The following RGS4 variants were observed in gnomAD, a reference collection of about 807,000 sequenced individuals.
RGS4 encodes the protein schizophrenia disorder 9.
RGS4 carries 15 observed loss-of-function variants against 21.6 expected under a neutral mutation model. The ratio of observed to expected loss-of-function variants is 0.69; its 90% confidence interval spans 0.46 to 1.07. The LOEUF is 1.07. Ranked by LOEUF, RGS4 falls within the 50% of genes least tolerant of loss-of-function variation. The pLI, the probability that RGS4 is intolerant of heterozygous loss-of-function variation, is 0.00. For synonymous variants in RGS4, 94 were observed against 85.5 expected (o/e 1.10, Z -0.55); for missense variants, 237 against 239.0 (o/e 0.99, Z 0.06).
intron 1 of RGS4, 97 bp from the exon 2 acceptor site, chr1:163,072,298 C>T (rs1277560932): frequency 5.1e-6 from 5 of 986,442 alleles, no homozygotes; most frequent in Admixed American, 2.4e-5. Context: ...TGTCTCTGAG[C>T]CATAGACTAG....
chr1:163,073,713 T>G, intron 4 of RGS4, 91 bp downstream of exon 4: 1 of 811,952 alleles, frequency 1.2e-6, no homozygotes, highest in South Asian at 1.9e-5. Flanking sequence ...AACAATCAAA[T>G]CAGGGCAATT....
chr1:163,074,851 G>T lies in RGS4; in HGVS notation c.*291G>T, dbSNP rs1655445376. The stretch of plus-strand genomic sequence containing the variant: ...TGGTAGGTCTGGATTTTCAAAGATT[G>T]TTGGCAGTTTCCTCCTCCCAACAGT... On this transcript the variant is annotated 3_prime_UTR_variant, in exon 5 of 5. Transcript: ENST00000367909. The T allele has an allele frequency of 3.3e-6, 2 of 601,298 alleles. No homozygotes were observed. Among genetic ancestry groups the T allele is most frequent in the Admixed American group, 5.9e-5 (2 of 34,062 alleles). The allele number at this position is 601,298 out of a possible 1,614,324, so 37.2% of individuals were successfully genotyped here.
chr1:163,072,005 T>TGG, intron 1 of RGS4: 1 of 990,128 alleles, frequency 1.0e-6, no homozygotes, highest in Non-Finnish European at 1.2e-6. Flanking sequence ...ATGTGCATCT[T>TGG]TTGCCGCTAC....
chr1:163,073,001 A>C (rs557144393), intron 3 of RGS4, 135 bp downstream of exon 3: 1 of 683,976 alleles, frequency 1.5e-6, no homozygotes, highest in Non-Finnish European at 2.4e-6. Flanking sequence ...TCTTAAATTC[A>C]GTCTGTTTAA....
At position 163,074,634 on chromosome 1, in the gene RGS4, G is replaced by A. The variant is rs766011285; in HGVS notation, c.*74G>A. The A allele has an allele frequency of 6.2e-7, 1 of 1,601,194 alleles. No homozygotes were observed. Among genetic ancestry groups the A allele is most frequent in the South Asian group, 1.1e-5 (1 of 90,838 alleles). ...AAAACCTGAGGCCAAATATTGATCT[G>A]TATTAAGCTCCAGTGCTTTATCCAC... On this transcript the variant is annotated 3_prime_UTR_variant, in exon 5 of 5. Coordinates refer to ENST00000367909, the MANE Select transcript of RGS4 (RefSeq NM_005613.6).
intron 4 of RGS4, 59 bp from the exon 5 acceptor site, chr1:163,074,262 C>T: frequency 3.1e-6 from 5 of 1,604,696 alleles, no homozygotes; most frequent in Non-Finnish European, 4.3e-6. Context: ...ACAAAGCATA[C>T]AGGCTTGCAT....
At chr1:163,069,321 G>T (rs974593745), upstream of RGS4, 1 of 1,551,394 alleles carries the variant, frequency 6.4e-7, no homozygotes, top group Non-Finnish European at 8.7e-7. Context: ...CTGGACGGTC[G>T]TAGCTGGGCT....
Position 163,069,520 on chromosome 1 carries a change from C to T in RGS4, c.36C>T (p.Cys12=), listed in dbSNP as rs771008986. 5.6e-6 allele frequency: 9 copies of T among 1,612,940 alleles called. No individual in the cohort carries two copies. The highest frequency in any genetic ancestry group is 7.6e-6 in the Non-Finnish European group (9 of 1,179,364). The change falls in exon 1 of 5, where the codon TGC becomes TGT. Residue 12 remains cysteine, a synonymous_variant. Coordinates refer to ENST00000367909, the MANE Select transcript of RGS4 (RefSeq NM_005613.6). ...GGCTTGCAGGTCTGCCGGCTTCTTG[C>T]TTGAGGAGGTAAGATTGCTTTCAGC... ...CKGLAGLPAS[C]LRSAKDMKHR...
rs1655459932 is a variant in RGS4, at chr1:163,075,286, G to A, written c.*726G>A. The A allele has an allele frequency of 6.6e-6, 1 of 152,492 alleles. No homozygotes were observed. The highest frequency in any genetic ancestry group is 2.4e-5 in the African/African-American group (1 of 41,442). The allele number at this position is 152,492 out of a possible 1,614,324, so 9.4% of individuals were successfully genotyped here. A position where few individuals can be genotyped will look rare whatever the true frequency, so the allele number is the denominator to read the frequency against. On this transcript the variant is annotated 3_prime_UTR_variant, in exon 5 of 5. Coordinates refer to ENST00000367909, the MANE Select transcript of RGS4 (RefSeq NM_005613.6). ...GGCTAAGAAAGAAATGCTAACCTGT[G>A]GAAAGTTGGTTTTGTAAAATTCCAT...
chr1:163,073,896 C>T (rs1031769435), intron 4 of RGS4: 3 of 386,176 alleles, frequency 7.8e-6, no homozygotes, highest in African/African-American at 4.1e-5. Context: ...TTCCTTCTAC[C>T]CATTAGCCAA....
chr1:163,072,883 C>T lies in RGS4; in HGVS notation c.211+17C>T. 5.0e-6 allele frequency: 8 copies of T among 1,607,518 alleles called. No individual in the cohort carries two copies. The highest frequency in any genetic ancestry group is 6.8e-6 in the Non-Finnish European group (8 of 1,174,592). On this transcript the variant is annotated intron_variant, in intron 3 of 4. Transcript: ENST00000367909. ...GTCATGAATGTAAGTCTGACAGCAACCTGGGATGAGGTACTCTGGATAAGA... is the reference window on the plus strand; with the variant it reads ...GTCATGAATGTAAGTCTGACAGCAATCTGGGATGAGGTACTCTGGATAAGA...
intron 1 of RGS4, among the ~76,000 whole-genome samples, chr1:163,070,966 T>C (rs542542015): frequency 1.8e-4 from 28 of 152,274 alleles, no homozygotes; most frequent in African/African-American, 6.3e-4. Flanking sequence ...AATTCCTGAC[T>C]CCAGTAACTT....
chr1:163,074,252 A>G (rs1400825236), intron 4 of RGS4, 69 bp from the exon 5 acceptor site: 1 of 1,596,606 alleles, frequency 6.3e-7, no homozygotes, highest in Non-Finnish European at 8.5e-7. Flanking sequence ...ACAAGTCACT[A>G]CAAAGCATAC....
intron 1 of RGS4, chr1:163,070,662 T>C (rs1232498052): frequency 6.6e-6 from 1 of 152,184 alleles, no homozygotes; most frequent in South Asian, 2.1e-4. Context: ...TTCACTTAAC[T>C]TGCATATGAA....
Position 163,074,884 on chromosome 1 carries a change from CG to C in RGS4, c.*327del. On this transcript the variant is annotated 3_prime_UTR_variant, in exon 5 of 5. Transcript: ENST00000367909. Reference sequence around the variant, plus strand: ...TTTCCTCCTCCCAACAGTTTTACCTCGGGATGGTTGGTTAGTGCATGTCACA... The same window carrying C: ...TTTCCTCCTCCCAACAGTTTTACCTCGGATGGTTGGTTAGTGCATGTCACA... 1 of 593,382 alleles carries C rather than the reference CG, an allele frequency of 1.7e-6. No individual in the cohort carries two copies. Among genetic ancestry groups the C allele is most frequent in the East Asian group, 2.8e-5 (1 of 35,978 alleles). The allele number at this position is 593,382 out of a possible 1,614,324, so 36.8% of individuals were successfully genotyped here. A position where few individuals can be genotyped will look rare whatever the true frequency, so the allele number is the denominator to read the frequency against.
rs1655474004 is a variant in RGS4 at position 163,075,743 on chromosome 1, T to C, written c.*1183T>C. On this transcript the variant is annotated 3_prime_UTR_variant, in exon 5 of 5. Coordinates refer to ENST00000367909, the MANE Select transcript of RGS4 (RefSeq NM_005613.6). Reference sequence around the variant, plus strand: ...TTATTGTGGTTGGTTGTTTTTTCTTTATAATGGCTCTGGGCTATATGCCTA... The same window carrying C: ...TTATTGTGGTTGGTTGTTTTTTCTTCATAATGGCTCTGGGCTATATGCCTA... 6.6e-6 allele frequency: 1 copy of C among 152,164 alleles called. No homozygotes were observed. The highest frequency in any genetic ancestry group is 2.1e-4 in the South Asian group (1 of 4,832). The allele number at this position is 152,164 out of a possible 1,614,324, so 9.4% of individuals were successfully genotyped here.
upstream of RGS4, chr1:163,069,286 T>C: frequency 6.4e-7 from 1 of 1,551,220 alleles, no homozygotes; most frequent in Non-Finnish European, 8.7e-7. Flanking sequence ...GAGGAGCTGG[T>C]ACTGCAGAGC....
rs910958784 is a variant in RGS4, at chr1:163,073,476, G to A, written c.232G>A (p.Ala78Thr). The A allele has an allele frequency of 5.0e-6, 8 of 1,587,028 alleles. No homozygotes were observed. The highest frequency in any genetic ancestry group is 6.0e-6 in the Non-Finnish European group (7 of 1,171,644). Residue 78 changes from alanine (A) to threonine (T), a missense_variant, in exon 4 of 5, where the codon GCT (alanine) becomes ACT (threonine). Transcript: ENST00000367909. Reference protein sequence around the residue: ...SHECGLAAFKAFLKSEYSEEN... With the variant: ...SHECGLAAFKTFLKSEYSEEN... ...CATAGGTGGGCTGGCAGCTTTCAAA[G>A]CTTTCTTGAAGTCTGAATATAGTGA...
Position 163,074,870 on chromosome 1 carries a change from CA to C in RGS4, c.*312del, listed in dbSNP as rs1655446054. The C allele has an allele frequency of 3.8e-5, 23 of 598,018 alleles. No homozygotes were observed. Among genetic ancestry groups the C allele is most frequent in the Admixed American group, 1.8e-4 (6 of 33,862 alleles). 37.0% of individuals were successfully genotyped at this position (598,018 alleles called of 1,614,324 possible). On this transcript the variant is annotated 3_prime_UTR_variant, in exon 5 of 5. Coordinates refer to ENST00000367909, the MANE Select transcript of RGS4 (RefSeq NM_005613.6). ...AAGATTGTTGGCAGTTTCCTCCTCC[CA>C]ACAGTTTTACCTCGGGATGGTTGGT...
Sources: allele counts gnomAD v4.1 joint callset (sites outside exome capture counted in the v4.1 genomes callset), GRCh38; gene constraint gnomAD v4.1.1; transcripts MANE v1.5; gene names NCBI Gene and HGNC (gene_info 2026-07-23, HGNC 2026-07-21).